TENT5D: variants seen among roughly 807,000 people sequenced by gnomAD.
The protein encoded by TENT5D is terminal nucleotidyltransferase 5D.
For synonymous variants in TENT5D, 103 were observed against 100.6 expected (o/e 1.02, Z -0.15); for missense variants, 191 against 287.0 (o/e 0.67, Z 2.42).
intron 3 of TENT5D, among the ~76,000 whole-genome samples, chrX:80,366,873 G>T (rs1420561273): frequency 3.6e-5 from 4 of 111,167 alleles, no homozygotes; most frequent in African/African-American, 1.3e-4. Flanking sequence ...TCTTTATTGA[G>T]GAATCTATAA....
chrX:80,423,279 T>G lies in TENT5D; in HGVS notation c.-142+2716T>G, dbSNP rs1037467747. On this transcript the variant is annotated intron_variant, in intron 1 of 2. Transcript: ENST00000308293. ...GTAGTTTTCCCAATGAAGCAAAATA[T>G]GTAGCAGTATTTTGTTGTTTGAGAT... 7.6e-4 allele frequency among the ~76,000 whole-genome samples: 85 copies of G among 112,049 alleles called. 1 individual carries two copies. The highest frequency in any genetic ancestry group is 2.5e-3 in the African/African-American group (77 of 30,869).
chrX:80,351,069 G>A (rs768367372), intron 3 of TENT5D, among the ~76,000 whole-genome samples: 93 of 111,116 alleles, frequency 8.4e-4, no homozygotes, highest in African/African-American at 2.7e-3. Flanking sequence ...TCTGGCTGCC[G>A]TTAACATTTT....
upstream of TENT5D, among the ~76,000 whole-genome samples, chrX:80,416,696 G>A (rs1931785524): frequency 1.8e-5 from 2 of 109,681 alleles, no homozygotes; most frequent in African/African-American, 6.6e-5. Flanking sequence ...TTTCTTTCTG[G>A]AATTTGCTGA....
intron 3 of TENT5D, among the ~76,000 whole-genome samples, chrX:80,364,298 ACT>A (rs1930464503): frequency 9.0e-6 from 1 of 111,081 alleles, no homozygotes; most frequent in South Asian, 3.8e-4. Context: ...ACTTTTTGTT[ACT>A]CTCTTTACTC....
chrX:80,381,978 C>T (rs1052197376), intron 3 of TENT5D, among the ~76,000 whole-genome samples: 2 of 112,443 alleles, frequency 1.8e-5, no homozygotes, highest in African/African-American at 3.2e-5. Context: ...CAAAGTCATT[C>T]TCTGTCCAGC....
upstream of TENT5D, among the ~76,000 whole-genome samples, chrX:80,420,184 G>A (rs994332496): frequency 4.5e-5 from 5 of 111,394 alleles, no homozygotes; most frequent in African/African-American, 9.8e-5. Flanking sequence ...TTGCCTATCT[G>A]TGTGAATCTG....
At chrX:80,368,704 C>T (rs1930558872) in intron 3 of TENT5D, among the ~76,000 whole-genome samples, 1 of 111,764 alleles carries the variant, frequency 8.9e-6, no homozygotes, top group South Asian at 3.7e-4. Flanking sequence ...GAATAAAATG[C>T]CTTATACAAA....
At chrX:80,409,882 C>G (rs1287389535) in intron 3 of TENT5D, among the ~76,000 whole-genome samples, 2 of 106,442 alleles carry the variant, frequency 1.9e-5, no homozygotes, top group African/African-American at 6.9e-5. Flanking sequence ...CAGCATGGTA[C>G]TGGTACCAAA....
chrX:80,411,880 A>T (rs5959706), intron 3 of TENT5D, among the ~76,000 whole-genome samples: 153 of 111,844 alleles, frequency 1.4e-3, no homozygotes, highest in African/African-American at 4.5e-3. Context: ...TGGAGCTACC[A>T]TTCTGGGGTT....
At chrX:80,398,825 G>A (rs1480362985) in intron 3 of TENT5D, among the ~76,000 whole-genome samples, 1 of 110,033 alleles carries the variant, frequency 9.1e-6, no homozygotes, top group African/African-American at 3.3e-5. Flanking sequence ...CAGCTTTGTG[G>A]TACATTTTGG....
chrX:80,369,541 A>G (rs1244533424), intron 3 of TENT5D, among the ~76,000 whole-genome samples: 2 of 112,292 alleles, frequency 1.8e-5, no homozygotes, highest in African/African-American at 6.5e-5. Context: ...GTAAGTTCCA[A>G]AGAAAAACAG....
At chrX:80,394,968 C>A (rs1274464540) in intron 3 of TENT5D, among the ~76,000 whole-genome samples, 1 of 111,570 alleles carries the variant, frequency 9.0e-6, no homozygotes, top group East Asian at 2.8e-4. Flanking sequence ...GAACTTATTT[C>A]TCCTATCTAA....
At chrX:80,425,447 T>G (rs1169847365) in intron 1 of TENT5D, among the ~76,000 whole-genome samples, 1 of 112,637 alleles carries the variant, frequency 8.9e-6, no homozygotes, top group African/African-American at 3.2e-5. Context: ...ACATTTCAGC[T>G]TTTTATGAAT....
chrX:80,445,218 A>G (rs758985403), exon 3 of TENT5D: 13 of 123,048 alleles, frequency 1.1e-4, no homozygotes, highest in African/African-American at 3.2e-4. Context: ...AAAGAATTAT[A>G]TATCACAGAA....
intron 3 of TENT5D, among the ~76,000 whole-genome samples, chrX:80,399,897 C>T (rs1931359810): frequency 8.9e-6 from 1 of 111,843 alleles, no homozygotes; most frequent in South Asian, 3.7e-4. Flanking sequence ...TATTTGACTT[C>T]CCAAACACCA....
chrX:80,385,488 A>G (rs370929931), intron 3 of TENT5D, among the ~76,000 whole-genome samples: 1 of 111,982 alleles, frequency 8.9e-6, no homozygotes, highest in Non-Finnish European at 1.9e-5. Context: ...AACCTAGGCA[A>G]TGCCATTCAG....
chrX:80,359,499 A>C (rs1930362270), intron 3 of TENT5D, among the ~76,000 whole-genome samples: 1 of 111,767 alleles, frequency 8.9e-6, no homozygotes, highest in Admixed American at 9.6e-5. Flanking sequence ...TCGTGGATGA[A>C]GCTGGAAACC....
At chrX:80,386,125 T>A (rs1930997178) in intron 3 of TENT5D, among the ~76,000 whole-genome samples, 1 of 112,237 alleles carries the variant, frequency 8.9e-6, no homozygotes, top group Non-Finnish European at 1.9e-5. Context: ...CATGCACACA[T>A]ATATTTATTG....
chrX:80,345,802 G>A, intron 3 of TENT5D, among the ~76,000 whole-genome samples: 2 of 111,310 alleles, frequency 1.8e-5, no homozygotes, highest in Middle Eastern at 4.6e-3. Flanking sequence ...GAGTTGCCTG[G>A]TTAGAGCTTA....
Sources: gnomAD v4.1 joint callset for allele counts (sites outside exome capture counted in the v4.1 genomes callset) on GRCh38, gnomAD v4.1.1 for gene constraint, MANE v1.5 for transcripts, NCBI Gene and HGNC (gene_info 2026-07-23, HGNC 2026-07-21) for gene names.